The following NCOA1 variants were observed in gnomAD, a reference collection of about 807,000 sequenced individuals.
The protein encoded by NCOA1 is nuclear receptor coactivator 1, also known as Hin-2 protein.
In NCOA1, 35 loss-of-function variants were observed where a neutral mutation model predicts 150.9. The observed-to-expected ratio is 0.23, with a 90% CI of 0.18 to 0.31. NCOA1 has a LOEUF of 0.31. Among genes scored for constraint, NCOA1 ranks in the 10% least tolerant of loss-of-function variants. The pLI is 1.00. For missense variants in NCOA1, 1,491 were observed against 1,749.3 expected (o/e 0.85, Z 2.63); for synonymous variants, 590 against 630.0 (o/e 0.94, Z 0.95).
intron 14 of NCOA1, among the ~76,000 whole-genome samples, chr2:24,721,394 G>A (rs1674351759): frequency 6.6e-6 from 1 of 152,058 alleles, no homozygotes; most frequent in African/African-American, 2.4e-5. Context: ...AATTTTGACT[G>A]TCTCTCCATA....
chr2:24,610,717 G>A (rs548184888), intron 3 of NCOA1, among the ~76,000 whole-genome samples: 3 of 146,532 alleles, frequency 2.0e-5, no homozygotes, highest in African/African-American at 5.0e-5. Flanking sequence ...TTTGTTGTTT[G>A]TTTTCTCTGG....
chr2:24,761,414 C>T (rs1290413612), intron 21 of NCOA1, among the ~76,000 whole-genome samples: 5 of 152,122 alleles, frequency 3.3e-5, no homozygotes, highest in Non-Finnish European at 5.9e-5. Context: ...TATTTTTCAT[C>T]TCAGACATAG....
chr2:24,652,453 A>G (rs961668017), intron 4 of NCOA1, among the ~76,000 whole-genome samples: 3 of 152,134 alleles, frequency 2.0e-5, no homozygotes, highest in East Asian at 3.8e-4. Context: ...CCTTCTCACT[A>G]TATATAAATG....
At chr2:24,613,335 G>T (rs2148390029) in intron 3 of NCOA1, among the ~76,000 whole-genome samples, 1 of 152,282 alleles carries the variant, frequency 6.6e-6, no homozygotes, top group South Asian at 2.1e-4. Context: ...GTTGCCTCAG[G>T]CATTGGGCTG....
chr2:24,761,470 C>G (rs1165969190), intron 21 of NCOA1, among the ~76,000 whole-genome samples: 1 of 152,126 alleles, frequency 6.6e-6, no homozygotes, highest in Non-Finnish European at 1.5e-5. Context: ...TTTATATCTT[C>G]CATATCTCCA....
chr2:24,522,730 C>T (rs1014297516), intron 1 of NCOA1, among the ~76,000 whole-genome samples: 4 of 152,060 alleles, frequency 2.6e-5, no homozygotes, highest in African/African-American at 4.8e-5. Context: ...AGATTTTCAA[C>T]GATGGAAAAG....
At chr2:24,574,200 C>T (rs1244536107) in intron 2 of NCOA1, among the ~76,000 whole-genome samples, 1 of 151,852 alleles carries the variant, frequency 6.6e-6, no homozygotes, top group Non-Finnish European at 1.5e-5. Flanking sequence ...AAATAGTAAG[C>T]GAATACTATT....
intron 3 of NCOA1, among the ~76,000 whole-genome samples, chr2:24,600,974 A>G (rs868493120): frequency 6.6e-6 from 1 of 152,174 alleles, no homozygotes; most frequent in Non-Finnish European, 1.5e-5. Context: ...GTTTCAGTAC[A>G]TGTTATTATC....
chr2:24,754,790 A>G (rs1356521053), intron 20 of NCOA1, among the ~76,000 whole-genome samples: 4 of 152,028 alleles, frequency 2.6e-5, no homozygotes, highest in African/African-American at 9.7e-5. Context: ...GTTTCTCCAT[A>G]CTCTGGAACA....
intron 11 of NCOA1, 100 bp from the exon 12 acceptor site, chr2:24,704,986 G>A (rs1217302937): frequency 3.3e-6 from 4 of 1,229,724 alleles, no homozygotes; most frequent in African/African-American, 1.5e-5. Flanking sequence ...AGTTGGGAGG[G>A]CCTTTAAAAT....
chr2:24,505,664 T>G (rs1558749158), intron 1 of NCOA1, among the ~76,000 whole-genome samples: 3 of 152,128 alleles, frequency 2.0e-5, no homozygotes, highest in Admixed American at 1.3e-4. Context: ...TCTTTTTAAT[T>G]TTTTTAGGTC....
intron 12 of NCOA1, 62 bp from the exon 13 acceptor site, chr2:24,706,506 A>G (rs549284087): frequency 4.7e-6 from 7 of 1,483,032 alleles, no homozygotes; most frequent in Non-Finnish European, 6.3e-6. Flanking sequence ...AATATGTATC[A>G]TAAAAATATT....
In NCOA1 at chr2:24,770,237, C is replaced by A. The variant is rs1204964046; in HGVS notation, c.*1846C>A. 1 of 231,104 alleles carries A rather than the reference C, an allele frequency of 4.3e-6. No individual in the cohort carries two copies. 14.3% of individuals were successfully genotyped at this position (231,104 alleles called of 1,614,324 possible). ...TTACTCTAGTCCCTACCAAACTGCT[C>A]TAGAAGGTCATTTCCATTTTGTTTG... On this transcript the variant is annotated 3_prime_UTR_variant, in exon 23 of 23. Coordinates refer to ENST00000348332, the MANE Select transcript of NCOA1 (RefSeq NM_003743.5).
At chr2:24,750,526 C>T (rs1273799480) in intron 19 of NCOA1, among the ~76,000 whole-genome samples, 1 of 152,200 alleles carries the variant, frequency 6.6e-6, no homozygotes, top group Non-Finnish European at 1.5e-5. Context: ...ATAAGTGCTC[C>T]AAAGTGGCTG....
Position 24,710,997 on chromosome 2 carries a change from G to A in NCOA1, c.2485G>A (p.Gly829Ser), listed in dbSNP as rs754888017. 63 of 1,614,070 alleles carry A rather than the reference G, an allele frequency of 3.9e-5. 1 individual carries two copies. The African/African-American group carries it at 7.1e-4, about 18-fold the overall frequency. The change falls in exon 14 of 23, where the codon GGC (glycine) becomes AGC (serine). Residue 829 changes from glycine (G) to serine (S), a missense_variant. By Grantham distance (56) the Gly-to-Ser change is moderately conservative. Transcript: ENST00000348332. ...GCTGGAGAAGGCAGCACAGTTGCCA[G>A]GCTTATGTGAGACAGACAGGATGGA... The part of the protein sequence containing the change: ...PTLEKAAQLP[G>S]LCETDRMDGA...
chr2:24,543,091 T>C (rs1479167764), intron 1 of NCOA1, among the ~76,000 whole-genome samples: 1 of 152,202 alleles, frequency 6.6e-6, no homozygotes, highest in Non-Finnish European at 1.5e-5. Context: ...CATAAAAGTT[T>C]ACTGGGCTCA....
At chr2:24,685,096 TTATATA>T in intron 8 of NCOA1, among the ~76,000 whole-genome samples, 1 of 151,584 alleles carries the variant, frequency 6.6e-6, no homozygotes, top group Non-Finnish European at 1.5e-5. Flanking sequence ...GGATCATTAT[TTATATA>T]TATATATTCA....
At chr2:24,622,144 T>G (rs1669197143) in intron 3 of NCOA1, among the ~76,000 whole-genome samples, 1 of 152,198 alleles carries the variant, frequency 6.6e-6, no homozygotes, top group Admixed American at 6.5e-5. Flanking sequence ...GTATAGCCAG[T>G]TAGTATACAG....
At chr2:24,607,443 A>G (rs1457320593) in intron 3 of NCOA1, among the ~76,000 whole-genome samples, 3 of 152,224 alleles carry the variant, frequency 2.0e-5, no homozygotes, top group Non-Finnish European at 4.4e-5. Flanking sequence ...TCATCCCAGC[A>G]CTTTGGGAGG....
Sources: gnomAD v4.1 joint callset for allele counts (sites outside exome capture counted in the v4.1 genomes callset) on GRCh38, gnomAD v4.1.1 for gene constraint, MANE v1.5 for transcripts, NCBI Gene and HGNC (gene_info 2026-07-23, HGNC 2026-07-21) for gene names.